KIAA0825: variants seen among roughly 807,000 people sequenced by gnomAD.
KIAA0825 encodes uncharacterized protein KIAA0825.
In KIAA0825, 119 loss-of-function variants were observed where a neutral mutation model predicts 147.6. The ratio of observed to expected loss-of-function variants is 0.81; its 90% CI spans 0.69 to 0.94. The LOEUF is 0.94. KIAA0825 is among the 40% of genes least tolerant of loss of function. The pLI is 0.00. For missense variants in KIAA0825, 1,381 were observed against 1,472.7 expected (o/e 0.94, Z 1.02); for synonymous variants, 470 against 518.1 (o/e 0.91, Z 1.26).
rs532494074 is a variant in KIAA0825 at position 94,460,550 on chromosome 5, T to C, written c.2246+1837A>G. 8.3e-4 allele frequency among the ~76,000 whole-genome samples: 127 copies of C among 152,218 alleles called. No individual in the cohort carries two copies. In the Middle Eastern group the frequency reaches 0.034, roughly 41 times the overall value. ...AATGTCAGATACAGTTTATAAAAAT[T>C]CAATATTATTAACATCTGATTGCTA... is the stretch of plus-strand genomic sequence containing the variant. On this transcript the variant is annotated intron_variant, in intron 12 of 20. Transcript: ENST00000682413.
intron 20 of KIAA0825, among the ~76,000 whole-genome samples, chr5:94,281,243 A>G (rs1562347792): frequency 7.2e-6 from 1 of 138,902 alleles, no homozygotes; most frequent in South Asian, 2.3e-4. Context: ...ACACACACAC[A>G]CTTGCCATAC....
chr5:94,174,740 C>A (rs1221304405), intron 20 of KIAA0825, among the ~76,000 whole-genome samples: 2 of 152,168 alleles, frequency 1.3e-5, no homozygotes, highest in Non-Finnish European at 2.9e-5. Context: ...TTTCTTCCTA[C>A]CACATCCAGT....
chr5:94,503,088 G>A (rs10040062), intron 5 of KIAA0825, among the ~76,000 whole-genome samples: 15,559 of 142,380 alleles, frequency 0.11, 2,703 homozygotes, highest in African/African-American at 0.37. Flanking sequence ...ATATATATAT[G>A]ATATATATAT....
At chr5:94,504,295 G>T (rs1274853448) in intron 5 of KIAA0825, among the ~76,000 whole-genome samples, 2 of 152,148 alleles carry the variant, frequency 1.3e-5, no homozygotes, top group African/African-American at 2.4e-5. Context: ...AGTGAACATT[G>T]TGAAGCACCT....
At chr5:94,419,488 A>G (rs1434218814) in intron 14 of KIAA0825, among the ~76,000 whole-genome samples, 1 of 152,114 alleles carries the variant, frequency 6.6e-6, no homozygotes, top group African/African-American at 2.4e-5. Context: ...ATTATGTTCC[A>G]ACCCCCAAAC....
intron 2 of KIAA0825, chr5:94,570,045 C>T (rs1383163431): frequency 6.6e-6 from 1 of 152,656 alleles, no homozygotes; most frequent in Non-Finnish European, 1.5e-5. Flanking sequence ...GGTGGCTACT[C>T]AGTAGAAAGA....
At chr5:94,254,989 A>G (rs1351851134) in intron 20 of KIAA0825, among the ~76,000 whole-genome samples, 1 of 152,046 alleles carries the variant, frequency 6.6e-6, no homozygotes, top group African/African-American at 2.4e-5. Flanking sequence ...TTTGCTGAAC[A>G]GATAAATTAG....
At chr5:94,245,696 A>G (rs1327215672) in intron 20 of KIAA0825, among the ~76,000 whole-genome samples, 1 of 152,098 alleles carries the variant, frequency 6.6e-6, no homozygotes, top group African/African-American at 2.4e-5. Flanking sequence ...AGCATGATAC[A>G]AAGACAGGAA....
At chr5:94,502,752 T>C (rs1454976842) in intron 5 of KIAA0825, among the ~76,000 whole-genome samples, 1 of 152,212 alleles carries the variant, frequency 6.6e-6, no homozygotes, top group East Asian at 1.9e-4. Context: ...AGACCATCAA[T>C]ATCTAATATA....
intron 20 of KIAA0825, among the ~76,000 whole-genome samples, chr5:94,347,689 A>G (rs914182579): frequency 6.6e-6 from 1 of 152,224 alleles, no homozygotes; most frequent in African/African-American, 2.4e-5. Flanking sequence ...AAAAGAGCCT[A>G]TCCAAATGAG....
chr5:94,556,384 C>T (rs1231789509), intron 2 of KIAA0825, among the ~76,000 whole-genome samples: 1 of 152,068 alleles, frequency 6.6e-6, no homozygotes, highest in Non-Finnish European at 1.5e-5. Context: ...CGCCAGATGT[C>T]AATTACATTT....
intron 1 of KIAA0825, among the ~76,000 whole-genome samples, chr5:94,585,324 A>G (rs1783056822): frequency 6.6e-6 from 1 of 152,228 alleles, no homozygotes; most frequent in Non-Finnish European, 1.5e-5. Context: ...CACAGGCTCA[A>G]AATAAAGGGA....
At chr5:94,192,329 T>C (rs1170715189) in intron 20 of KIAA0825, among the ~76,000 whole-genome samples, 3 of 152,222 alleles carry the variant, frequency 2.0e-5, no homozygotes, top group Non-Finnish European at 2.9e-5. Context: ...CCACAAAATA[T>C]AATTTACTGT....
chr5:94,434,402 A>T (rs1756082688), intron 14 of KIAA0825, among the ~76,000 whole-genome samples: 1 of 152,218 alleles, frequency 6.6e-6, no homozygotes, highest in Admixed American at 6.5e-5. Flanking sequence ...TGCATCTGAG[A>T]TTACAAGAGA....
intron 2 of KIAA0825, among the ~76,000 whole-genome samples, chr5:94,565,191 C>T (rs532524172): frequency 6.6e-4 from 98 of 147,538 alleles, no homozygotes; most frequent in Non-Finnish European, 1.3e-3. Context: ...CTTTGGCATG[C>T]CAAAGTGTTG....
intron 1 of KIAA0825, among the ~76,000 whole-genome samples, chr5:94,589,905 T>C (rs1347862905): frequency 6.6e-6 from 1 of 152,030 alleles, no homozygotes; most frequent in Non-Finnish European, 1.5e-5. Flanking sequence ...TAGATGGCTA[T>C]TTTGTTATCT....
intron 20 of KIAA0825, among the ~76,000 whole-genome samples, chr5:94,167,096 T>C (rs1029013262): frequency 1.3e-5 from 2 of 152,024 alleles, no homozygotes; most frequent in East Asian, 1.9e-4. Context: ...AGAAAAACCA[T>C]AGGATTAACG....
chr5:94,403,606 A>G lies in KIAA0825; in HGVS notation c.2850T>C (p.Tyr950=), dbSNP rs1270252333. Residue 950 remains tyrosine (Y), a synonymous_variant, in exon 16 of 21, where the codon TAT becomes TAC. Transcript: ENST00000682413. ...LLESMPKEWN[Y]SPKETNRKES... ...CTTTCCTGTTAGTTTCTTTTGGACT[A>G]TAATTCCATTCCTTTGGCATGCTCT... The G allele has an allele frequency of 4.5e-6, 7 of 1,551,562 alleles. No homozygotes were observed. Among genetic ancestry groups the G allele is most frequent in the South Asian group, 2.4e-5 (2 of 84,064 alleles).
chr5:94,588,487 G>C (rs945008795), intron 1 of KIAA0825, among the ~76,000 whole-genome samples: 6 of 152,150 alleles, frequency 3.9e-5, no homozygotes, highest in Non-Finnish European at 8.8e-5. Flanking sequence ...ACCACAATGA[G>C]ATACCATCTC....
Sources: allele counts gnomAD v4.1 joint callset (sites outside exome capture counted in the v4.1 genomes callset), GRCh38; gene constraint gnomAD v4.1.1; transcripts MANE v1.5; gene names NCBI Gene and HGNC (gene_info 2026-07-23, HGNC 2026-07-21).